MAML2: variants seen among roughly 807,000 people sequenced by gnomAD.
The protein encoded by MAML2 is mastermind-like protein 2.
MAML2 carries 22 observed loss-of-function variants against 96.1 expected under a neutral mutation model. The ratio of observed to expected loss-of-function variants is 0.23; its 90% CI spans 0.16 to 0.33. MAML2 has a LOEUF of 0.33. Among genes scored for constraint, MAML2 ranks in the 10% least tolerant of loss-of-function variants. The pLI, the probability that MAML2 is intolerant of heterozygous loss-of-function variation, is 1.00. For missense variants in MAML2, 1,367 were observed against 1,392.4 expected (o/e 0.98, Z 0.29); for synonymous variants, 561 against 521.3 (o/e 1.08, Z -1.04).
At chr11:96,026,253 C>A (rs902213956) in intron 2 of MAML2, among the ~76,000 whole-genome samples, 1 of 152,234 alleles carries the variant, frequency 6.6e-6, no homozygotes, top group African/African-American at 2.4e-5. Context: ...AGCAGTATAC[C>A]TGCAGCCCTG....
chr11:96,203,915 C>A (rs766650262), intron 1 of MAML2, among the ~76,000 whole-genome samples: 1 of 152,150 alleles, frequency 6.6e-6, no homozygotes, highest in Non-Finnish European at 1.5e-5. Context: ...TTAGTGAGTG[C>A]TCTCACAGGA....
At chr11:96,010,391 C>G (rs914398608) in intron 2 of MAML2, among the ~76,000 whole-genome samples, 5 of 152,150 alleles carry the variant, frequency 3.3e-5, no homozygotes, top group Admixed American at 3.3e-4. Context: ...ATTCCCCAGT[C>G]CCTTCCTACT....
At chr11:96,208,040 A>T (rs747264096) in intron 1 of MAML2, among the ~76,000 whole-genome samples, 1 of 152,250 alleles carries the variant, frequency 6.6e-6, no homozygotes, top group Non-Finnish European at 1.5e-5. Context: ...CATATGGAAC[A>T]AACTCTTCTT....
intron 1 of MAML2, among the ~76,000 whole-genome samples, chr11:96,271,146 G>T (rs755198367): frequency 2.1e-4 from 32 of 152,312 alleles, no homozygotes; most frequent in Middle Eastern, 6.8e-3. Flanking sequence ...TACCTTTGAG[G>T]TTCGGGACTT....
intron 1 of MAML2, among the ~76,000 whole-genome samples, chr11:96,182,049 G>A (rs1373363766): frequency 1.3e-5 from 2 of 152,132 alleles, no homozygotes; most frequent in East Asian, 3.9e-4. Context: ...AAGACGTGGT[G>A]GAAAATGGAT....
intron 1 of MAML2, among the ~76,000 whole-genome samples, chr11:96,214,116 G>A (rs1338185518): frequency 6.6e-6 from 1 of 152,128 alleles, no homozygotes; most frequent in African/African-American, 2.4e-5. Context: ...AATAGTGAAA[G>A]TATCTCCTAT....
intron 1 of MAML2, among the ~76,000 whole-genome samples, chr11:96,220,689 T>C (rs1319614313): frequency 6.6e-6 from 1 of 152,208 alleles, no homozygotes; most frequent in Non-Finnish European, 1.5e-5. Flanking sequence ...TCTGGTTGTA[T>C]TATAGGTAAT....
intron 1 of MAML2, among the ~76,000 whole-genome samples, chr11:96,163,047 G>A (rs1457381897): frequency 6.6e-6 from 1 of 152,222 alleles, no homozygotes; most frequent in African/African-American, 2.4e-5. Context: ...CTGGAGCCAA[G>A]ACTTCATTAC....
chr11:96,285,471 A>G (rs1264036188), intron 1 of MAML2, among the ~76,000 whole-genome samples: 4 of 152,230 alleles, frequency 2.6e-5, no homozygotes, highest in African/African-American at 9.6e-5. Context: ...AAAATTGACA[A>G]ATGGGATCTA....
At chr11:96,238,326 G>T (rs564836055) in intron 1 of MAML2, among the ~76,000 whole-genome samples, 118 of 152,288 alleles carry the variant, frequency 7.7e-4, no homozygotes, top group African/African-American at 2.5e-3. Context: ...ACTGAGCCAA[G>T]GTGTATCTGT....
Position 96,341,575 on chromosome 11 carries a change from C to T in MAML2, c.321G>A (p.Pro107=). The T allele has an allele frequency of 6.6e-7, 1 of 1,513,426 alleles. No homozygotes were observed. Among genetic ancestry groups the T allele is most frequent in the Non-Finnish European group, 8.9e-7 (1 of 1,120,452 alleles). 93.7% of individuals were successfully genotyped at this position (1,513,426 alleles called of 1,614,324 possible). A position where few individuals can be genotyped will look rare whatever the true frequency, so the allele number is the denominator to read the frequency against. Residue 107 remains proline (P), a synonymous_variant, in exon 1 of 5, where the codon CCG becomes CCA. Coordinates refer to ENST00000524717, the MANE Select transcript of MAML2 (RefSeq NM_032427.4). ...ATAATTTAPP[P]PPAAPPAASQ... is the part of the protein sequence containing the mutation. Reference sequence around the variant, plus strand: ...AGGCCGCAGGAGGGGCAGCAGGGGGCGGTGGAGGGGCTGTAGTGGTGGCAG... The same window carrying T: ...AGGCCGCAGGAGGGGCAGCAGGGGGTGGTGGAGGGGCTGTAGTGGTGGCAG...
intron 1 of MAML2, among the ~76,000 whole-genome samples, chr11:96,218,449 C>T (rs1213529634): frequency 6.6e-6 from 1 of 152,170 alleles, no homozygotes; most frequent in Non-Finnish European, 1.5e-5. Context: ...TGATGCAGAG[C>T]AAGTGACTTA....
intron 1 of MAML2, among the ~76,000 whole-genome samples, chr11:96,262,222 T>A (rs983309936): frequency 6.6e-6 from 1 of 152,244 alleles, no homozygotes; most frequent in Non-Finnish European, 1.5e-5. Flanking sequence ...ACGGTTTTTA[T>A]GATAAATGAA....
chr11:96,029,610 C>CA (rs1217802788), intron 2 of MAML2, among the ~76,000 whole-genome samples: 1 of 152,124 alleles, frequency 6.6e-6, no homozygotes, highest in Non-Finnish European at 1.5e-5. Flanking sequence ...AGGAAATTCT[C>CA]AAAAATAGGC....
chr11:96,292,852 GA>G, intron 1 of MAML2, among the ~76,000 whole-genome samples: 1 of 151,982 alleles, frequency 6.6e-6, no homozygotes, highest in African/African-American at 2.4e-5. Context: ...AACAAGGAGA[GA>G]AATAGGGAGC....
At chr11:96,173,806 CT>C (rs1861340636) in intron 1 of MAML2, among the ~76,000 whole-genome samples, 1 of 152,348 alleles carries the variant, frequency 6.6e-6, no homozygotes, top group Middle Eastern at 3.4e-3. Context: ...TCTCCAGCTC[CT>C]GCCTCACTCC....
chr11:96,309,240 T>C (rs1197038116), intron 1 of MAML2, among the ~76,000 whole-genome samples: 1 of 152,234 alleles, frequency 6.6e-6, no homozygotes, highest in Non-Finnish European at 1.5e-5. Flanking sequence ...TAGTATGAAG[T>C]GCTTGACAAT....
intron 4 of MAML2, among the ~76,000 whole-genome samples, chr11:95,983,287 T>A (rs1040347332): frequency 2.6e-5 from 4 of 152,124 alleles, no homozygotes; most frequent in African/African-American, 7.2e-5. Flanking sequence ...AAAAAATTTT[T>A]AAAAAATTTT....
At chr11:96,313,874 T>G (rs911598487) in intron 1 of MAML2, among the ~76,000 whole-genome samples, 2 of 152,202 alleles carry the variant, frequency 1.3e-5, no homozygotes, top group Non-Finnish European at 2.9e-5. Context: ...TTTCGACATT[T>G]GAAATAAGAC....
Sources: allele counts gnomAD v4.1 joint callset (sites outside exome capture counted in the v4.1 genomes callset), GRCh38; gene constraint gnomAD v4.1.1; transcripts MANE v1.5; gene names NCBI Gene and HGNC (gene_info 2026-07-23, HGNC 2026-07-21).